The following PSKH1 variants were observed in gnomAD, a reference collection of about 807,000 sequenced individuals.
PSKH1 encodes protein serine kinase H1.
Under a neutral mutation model 26.7 loss-of-function variants are expected in PSKH1, and 12 were observed. The observed-to-expected ratio is 0.45, with a 90% confidence interval of 0.29 to 0.73. The LOEUF (loss-of-function observed/expected upper bound fraction) is 0.73. Among genes scored for constraint, PSKH1 ranks in the 30% least tolerant of loss-of-function variants. The probability of loss-of-function intolerance (pLI) is 0.11; values close to 1 mark genes in which losing one functional copy is unlikely to be tolerated. For missense variants in PSKH1, 431 were observed against 595.2 expected, an observed-to-expected ratio of 0.72 and a Z score of 2.87; for synonymous variants, 213 against 234.3, an observed-to-expected ratio of 0.91 and a Z score of 0.83.
chr16:67,909,948 G>A lies in PSKH1; in HGVS notation c.957+242G>A. The A allele has an allele frequency of 1.8e-6, 1 of 567,476 alleles. No homozygotes were observed. Among genetic ancestry groups the A allele is most frequent in the East Asian group, 2.8e-5 (1 of 35,972 alleles). The allele number at this position is 567,476 out of a possible 1,614,324, so 35.2% of individuals were successfully genotyped here. ...TGTGATTTGAGTAACTAAAAGTGAAGGAGTGGGAAAAGTGAGGCAGGAAGG... is the reference window on the plus strand; with the variant it reads ...TGTGATTTGAGTAACTAAAAGTGAAAGAGTGGGAAAAGTGAGGCAGGAAGG... On this transcript the variant is annotated intron_variant, in intron 2 of 2. Transcript: ENST00000291041. This position sits in a 1 kb window ranked among gnomAD's most constrained non-coding sequence, Gnocchi z 7.8.
At chr16:67,899,771 C>T (rs569116081) in intron 1 of PSKH1, among the ~76,000 whole-genome samples, 1 of 150,738 alleles carries the variant, frequency 6.6e-6, no homozygotes, top group Non-Finnish European at 1.5e-5. Context: ...CCTCAGCCTC[C>T]CAAGTAGCTG....
At chr16:67,916,161 G>T (rs1056404486) in intron 2 of PSKH1, among the ~76,000 whole-genome samples, 1 of 152,190 alleles carries the variant, frequency 6.6e-6, no homozygotes, top group African/African-American at 2.4e-5. Context: ...GCCTCTGCCA[G>T]GATAACCTGT....
intron 1 of PSKH1, among the ~76,000 whole-genome samples, chr16:67,895,654 G>A (rs144566635): frequency 1.3e-4 from 20 of 152,190 alleles, no homozygotes; most frequent in African/African-American, 4.3e-4. Context: ...TGATCCACCC[G>A]TCTCAGCCTC....
rs144457046 is a variant in PSKH1 at position 67,916,566 on chromosome 16, G to T, written c.957+6860G>T. 5.3e-3 allele frequency among the ~76,000 whole-genome samples: 802 copies of T among 152,260 alleles called. 8 individuals carry two copies. The highest frequency in any genetic ancestry group is 0.018 in the African/African-American group (736 of 41,544). On this transcript the variant is annotated intron_variant, in intron 2 of 2. Coordinates refer to ENST00000291041, the MANE Select transcript of PSKH1 (RefSeq NM_006742.3). ...GGTTGAAGAGGCTGGGGCAGGTCTG[G>T]TGTTTGTTGTTGGGAGCCCTCTGCA...
chr16:67,909,247 G>C lies in PSKH1; in HGVS notation c.498G>C (p.Glu166Asp), dbSNP rs1701677720. The change falls in exon 2 of 3, where the codon GAG becomes GAC. Residue 166 changes from glutamate (E) to aspartate (D), a missense_variant. Physicochemically the swap from Glu to Asp is conservative, Grantham distance 45. Transcript: ENST00000291041. The surrounding 1 kb of genome is among the most constrained non-coding windows in gnomAD (Gnocchi z 7.8). ...IQLVEVFETQ[E>D]RVYMVMELAT... ...TGGTGGAGGTGTTCGAGACACAGGAGCGGGTGTACATGGTGATGGAGCTGG... is the reference window on the plus strand; with the variant it reads ...TGGTGGAGGTGTTCGAGACACAGGACCGGGTGTACATGGTGATGGAGCTGG... The C allele has an allele frequency of 1.9e-6, 3 of 1,614,010 alleles. No homozygotes were observed. The highest frequency in any genetic ancestry group is 2.7e-5 in the African/African-American group (2 of 74,912).
chr16:67,893,360 C>T lies in PSKH1; in HGVS notation c.-82C>T, dbSNP rs1442511725. 1.3e-5 allele frequency: 2 copies of T among 152,796 alleles called. No homozygotes were observed. The highest frequency in any genetic ancestry group is 4.8e-5 in the African/African-American group (2 of 41,458). 9.5% of individuals were successfully genotyped at this position (152,796 alleles called of 1,614,324 possible). ...GCCGCCGAGACGCCGAAGAGCCCGC[C>T]GCCCGCGCGAGGTGAGGCGGCCCGG... On this transcript the variant is annotated 5_prime_UTR_variant, in exon 1 of 3. Transcript: ENST00000291041.
intron 2 of PSKH1, among the ~76,000 whole-genome samples, chr16:67,915,308 C>G (rs950557311): frequency 6.6e-6 from 1 of 151,844 alleles, no homozygotes; most frequent in Non-Finnish European, 1.5e-5. Context: ...CATCAGTTTC[C>G]AGCTCCAGAG....
At chr16:67,907,698 A>G (rs2058160593) in intron 1 of PSKH1, among the ~76,000 whole-genome samples, 1 of 152,052 alleles carries the variant, frequency 6.6e-6, no homozygotes, top group Admixed American at 6.5e-5. Context: ...CCATCCATGT[A>G]GTGTGCTGGG....
At chr16:67,906,134 C>G (rs981271466) in intron 1 of PSKH1, among the ~76,000 whole-genome samples, 1 of 151,928 alleles carries the variant, frequency 6.6e-6, no homozygotes, top group South Asian at 2.1e-4. Flanking sequence ...AGTGCAATCA[C>G]GCGATCTCGG....
chr16:67,917,237 G>C (rs1320771029), intron 2 of PSKH1, among the ~76,000 whole-genome samples: 4 of 152,204 alleles, frequency 2.6e-5, no homozygotes, highest in Non-Finnish European at 5.9e-5. Flanking sequence ...ACTTGGCCAT[G>C]GTCTCCCGAC....
intron 2 of PSKH1, among the ~76,000 whole-genome samples, chr16:67,921,507 G>A (rs554889829): frequency 3.3e-5 from 5 of 151,786 alleles, no homozygotes; most frequent in East Asian, 1.9e-4. Flanking sequence ...CCTGGGAGGC[G>A]GAGTTGCAGT....
Position 67,927,550 on chromosome 16 carries a change from A to G in PSKH1, c.1183A>G (p.Ser395Gly), listed in dbSNP as rs1721410480. 6.2e-7 allele frequency: 1 copy of G among 1,613,910 alleles called. No individual in the cohort carries two copies. Among genetic ancestry groups the G allele is most frequent in the Admixed American group, 1.7e-5 (1 of 60,004 alleles). The change falls in exon 3 of 3, where the codon AGC (serine) becomes GGC (glycine). Residue 395 changes from serine to glycine, a missense_variant. Coordinates refer to ENST00000291041, the MANE Select transcript of PSKH1 (RefSeq NM_006742.3). The surrounding 1 kb of genome is among the most constrained non-coding windows in gnomAD (Gnocchi z 5.5). ...CAAATCTGCCCAGTCCACGCGTTCC[A>G]GCCGCTCCACACGCTCCAATAAGTC... The part of the protein sequence containing the change: ...STKSAQSTRS[S>G]RSTRSNKSRR...
Position 67,915,496 on chromosome 16 carries a change from G to C in PSKH1, c.957+5790G>C, listed in dbSNP as rs556617054. ...GGCTCTCTCAGCTGGAGAACATCCA[G>C]CAGACCCTCAGGCCCCACAAAACCT... On this transcript the variant is annotated intron_variant, in intron 2 of 2. Transcript: ENST00000291041. Among the ~76,000 whole-genome samples the C allele has an allele frequency of 3.9e-5, 6 of 152,210 alleles. No homozygotes were observed. The South Asian group carries it at 8.3e-4, about 21-fold the overall frequency.
chr16:67,895,366 A>G (rs1304287337), intron 1 of PSKH1, among the ~76,000 whole-genome samples: 1 of 147,974 alleles, frequency 6.8e-6, no homozygotes, highest in Admixed American at 6.8e-5. Flanking sequence ...CACCTGACCC[A>G]CTCTTTGAGA....
At chr16:67,896,538 T>C (rs1243759003) in intron 1 of PSKH1, among the ~76,000 whole-genome samples, 1 of 142,172 alleles carries the variant, frequency 7.0e-6, no homozygotes, top group Non-Finnish European at 1.5e-5. Context: ...TGTGCTTCTT[T>C]TTTTTTTTTT....
intron 2 of PSKH1, among the ~76,000 whole-genome samples, chr16:67,912,286 G>A (rs1445192519): frequency 6.6e-6 from 1 of 152,162 alleles, no homozygotes; most frequent in Non-Finnish European, 1.5e-5. Flanking sequence ...TGTTACACTC[G>A]GGACCATTCC....
At chr16:67,905,748 A>G (rs1170549293) in intron 1 of PSKH1, among the ~76,000 whole-genome samples, 1 of 152,062 alleles carries the variant, frequency 6.6e-6, no homozygotes, top group East Asian at 1.9e-4. Context: ...AATCCCAGCT[A>G]CTTGGGAGGC....
intron 1 of PSKH1, among the ~76,000 whole-genome samples, chr16:67,900,822 A>G (rs16957590): frequency 0.14 from 20,627 of 152,104 alleles, 2,904 homozygotes; most frequent in African/African-American, 0.36. Flanking sequence ...GCAAGATGAC[A>G]TACTGTGACA....
intron 2 of PSKH1, among the ~76,000 whole-genome samples, chr16:67,910,461 A>ATT (rs907102396): frequency 5.9e-5 from 9 of 151,618 alleles, no homozygotes. Context: ...TCCAGATCTG[A>ATT]TTTTTTTTTA....
Sources: allele counts gnomAD v4.1 joint callset (sites outside exome capture counted in the v4.1 genomes callset), GRCh38; gene constraint gnomAD v4.1.1; non-coding constraint Gnocchi (gnomAD v3.1); transcripts MANE v1.5; gene names NCBI Gene and HGNC (gene_info 2026-07-23, HGNC 2026-07-21).